The following PRAG1 variants were observed in gnomAD, a reference collection of about 807,000 sequenced individuals.
PRAG1 encodes the protein PEAK1 related, kinase-activating pseudokinase 1, also known as inactive tyrosine-protein kinase PRAG1.
In PRAG1, 110 loss-of-function variants were observed where a neutral mutation model predicts 95.6. The observed-to-expected ratio is 1.15, with a 90% CI of 0.99 to 1.35. The LOEUF (loss-of-function observed/expected upper bound fraction) is 1.35. PRAG1 is among the 40% of genes most tolerant of loss of function. The pLI, the probability that PRAG1 is intolerant of heterozygous loss-of-function variation, is 0.00. For missense variants in PRAG1, 2,554 were observed against 1,864.7 expected (o/e 1.37, Z -6.81); for synonymous variants, 1,052 against 819.4 (o/e 1.28, Z -4.85).
At chr8:8,341,092 C>G (rs1162775282) in intron 3 of PRAG1, among the ~76,000 whole-genome samples, 2 of 152,180 alleles carry the variant, frequency 1.3e-5, no homozygotes, top group Non-Finnish European at 2.9e-5. Flanking sequence ...ACTCCTCAGT[C>G]TAGGAGAGAA....
At chr8:8,366,279 C>G (rs1013005700) in intron 3 of PRAG1, among the ~76,000 whole-genome samples, 3 of 151,248 alleles carry the variant, frequency 2.0e-5, no homozygotes, top group Non-Finnish European at 4.4e-5. Flanking sequence ...AGTGGCTAGA[C>G]AGAGTCCCCC....
At chr8:8,384,401 C>G (rs1209218336) in intron 1 of PRAG1, among the ~76,000 whole-genome samples, 2 of 152,002 alleles carry the variant, frequency 1.3e-5, no homozygotes, top group Non-Finnish European at 2.9e-5. Context: ...TGCTCCCATT[C>G]TCAGCTCAGA....
intron 1 of PRAG1, among the ~76,000 whole-genome samples, chr8:8,383,806 G>T (rs10097659): frequency 6.6e-6 from 1 of 152,014 alleles, no homozygotes; most frequent in South Asian, 2.1e-4. Context: ...TTCAACAAGC[G>T]GAGGAAATAG....
chr8:8,380,749 A>G (rs1800605227), intron 2 of PRAG1, among the ~76,000 whole-genome samples: 1 of 149,598 alleles, frequency 6.7e-6, no homozygotes, highest in African/African-American at 2.5e-5. Context: ...GCTACTCAGG[A>G]GGCTGAGGCA....
chr8:8,327,773 C>T lies in PRAG1; in HGVS notation c.3009G>A (p.Ser1003=), dbSNP rs369717669. ...KLTCNKPCCD[S]GDAIYYCATC... is the part of the protein sequence containing the mutation. ...TGGCACAGTAATAAATGGCATCCCC[C>T]GAGTCACAGCAGGGCTTGTTACAAG... is the stretch of plus-strand genomic sequence containing the variant. The change falls in exon 5 of 6, where the codon TCG becomes TCA. Residue 1003 remains serine (S), a synonymous_variant. Transcript: ENST00000615670. 5.0e-4 allele frequency: 800 copies of T among 1,614,050 alleles called. No individual in the cohort carries two copies. Among genetic ancestry groups the T allele is most frequent in the Non-Finnish European group, 6.5e-4 (768 of 1,180,034 alleles).
At chr8:8,383,584 A>T (rs1800755295) in intron 1 of PRAG1, among the ~76,000 whole-genome samples, 1 of 152,290 alleles carries the variant, frequency 6.6e-6, no homozygotes, top group Non-Finnish European at 1.5e-5. Flanking sequence ...CCTGTCTAAA[A>T]AAACAAAAAA....
In PRAG1 at chr8:8,381,443, G is replaced by A; in HGVS notation, c.305C>T (p.Ala102Val). 1 of 1,611,178 alleles carries A rather than the reference G, an allele frequency of 6.2e-7. No individual in the cohort carries two copies. Among genetic ancestry groups the A allele is most frequent in the East Asian group, 2.2e-5 (1 of 44,784 alleles). Reference sequence around the variant, plus strand: ...CTGCGAGACTTCGGCACTCAGGTTGGCCTCTGTCCACACATCAGAGGCCTC... The same window carrying A: ...CTGCGAGACTTCGGCACTCAGGTTGACCTCTGTCCACACATCAGAGGCCTC... ...SSEASDVWTE[A>V]NLSAEVSQVI... The change falls in exon 2 of 6, where the codon GCC becomes GTC. Residue 102 changes from alanine (A) to valine (V), a missense_variant. Transcript: ENST00000615670.
intron 3 of PRAG1, among the ~76,000 whole-genome samples, chr8:8,347,141 C>G (rs991303627): frequency 6.6e-6 from 1 of 152,220 alleles, no homozygotes; most frequent in Non-Finnish European, 1.5e-5. Flanking sequence ...GTCTCAAAGA[C>G]TGAGAACCTC....
intron 5 of PRAG1, among the ~76,000 whole-genome samples, chr8:8,321,141 G>A (rs1798458313): frequency 6.6e-6 from 1 of 152,236 alleles, no homozygotes; most frequent in African/African-American, 2.4e-5. Context: ...CTGGAGTGCA[G>A]TGGTGCAATC....
intron 3 of PRAG1, among the ~76,000 whole-genome samples, chr8:8,371,252 A>T (rs879106293): frequency 6.6e-6 from 1 of 151,818 alleles, no homozygotes; most frequent in Non-Finnish European, 1.5e-5. Flanking sequence ...TTGAAATTCA[A>T]TTGAGCGAAA....
intron 5 of PRAG1, among the ~76,000 whole-genome samples, chr8:8,324,456 G>C (rs1352726137): frequency 6.6e-6 from 1 of 152,228 alleles, no homozygotes; most frequent in East Asian, 1.9e-4. Context: ...TTGGGCGCAT[G>C]CTAACTAGCC....
rs1188011253 is a variant in PRAG1 at position 8,381,470 on chromosome 8, G to C, written c.278C>G (p.Ser93Cys). The change falls in exon 2 of 6, where the codon TCC (serine) becomes TGC (cysteine). Residue 93 changes from serine to cysteine, a missense_variant. Ser to Cys is a moderately radical substitution (Grantham distance 112, BLOSUM62 -1). Transcript: ENST00000615670. ...CTCTGTCCACACATCAGAGGCCTCGGAGCTCATCATGGTGGGCTTCACGGC... is the reference window on the plus strand; with the variant it reads ...CTCTGTCCACACATCAGAGGCCTCGCAGCTCATCATGGTGGGCTTCACGGC... ...TIAVKPTMMS[S>C]EASDVWTEAN... is the part of the protein sequence containing the mutation. 1 of 1,614,244 alleles carries C rather than the reference G, an allele frequency of 6.2e-7. No individual in the cohort carries two copies. The highest frequency in any genetic ancestry group is 8.5e-7 in the Non-Finnish European group (1 of 1,180,048).
In PRAG1 at chr8:8,328,063, T is replaced by A; in HGVS notation, c.2719A>T (p.Ser907Cys). 6.3e-7 allele frequency: 1 copy of A among 1,597,372 alleles called. No homozygotes were observed. Among genetic ancestry groups the A allele is most frequent in the Non-Finnish European group, 8.5e-7 (1 of 1,170,754 alleles). ...GCCCCTTTGCACTGGAGGCCAGGGC[T>A]CCCGCAGCCGCCTCTGTTGCCCGCC... Reference protein sequence around the residue: ...GLAGNRGGCGSPGLQCKGAPS... With the variant: ...GLAGNRGGCGCPGLQCKGAPS... The change falls in exon 5 of 6, where the codon AGC (serine) becomes TGC (cysteine). Residue 907 changes from serine to cysteine, a missense_variant. Ser to Cys is a moderately radical substitution (Grantham distance 112). Coordinates refer to ENST00000615670, the MANE Select transcript of PRAG1 (RefSeq NM_001080826.3).
intron 3 of PRAG1, among the ~76,000 whole-genome samples, chr8:8,348,249 G>A (rs1372760557): frequency 6.6e-6 from 1 of 152,124 alleles, no homozygotes. Context: ...TGCAACCTTG[G>A]TAAAAGCACC....
chr8:8,367,156 T>A (rs1800034138), intron 3 of PRAG1, among the ~76,000 whole-genome samples: 1 of 152,018 alleles, frequency 6.6e-6, no homozygotes. Context: ...GCAACCCAAG[T>A]GTTCTCATGG....
rs199715689 is a variant in PRAG1, at chr8:8,376,662, T to A, written c.1747A>T (p.Ile583Phe). ...CCTTGGGATGGAGGCTGGGGCCCAATGCTGCTGCCGCCAGAGCTCCCATCA... is the reference window on the plus strand; with the variant it reads ...CCTTGGGATGGAGGCTGGGGCCCAAAGCTGCTGCCGCCAGAGCTCCCATCA... ...LSDGSSGGSS[I>F]GPQPPSQGPA... The change falls in exon 3 of 6, where the codon ATT becomes TTT. Residue 583 changes from isoleucine to phenylalanine, a missense_variant. Ile to Phe is a conservative substitution (Grantham distance 21). Transcript: ENST00000615670. 3.2e-4 allele frequency: 515 copies of A among 1,610,668 alleles called. 6 individuals carry two copies. In the Middle Eastern group the frequency reaches 0.015, roughly 48 times the overall value.
intron 3 of PRAG1, among the ~76,000 whole-genome samples, chr8:8,357,102 A>C (rs1799705757): frequency 6.6e-6 from 1 of 152,206 alleles, no homozygotes; most frequent in Non-Finnish European, 1.5e-5. Flanking sequence ...AAAAGAAAAA[A>C]ACTTAATGAC....
At chr8:8,347,431 C>G (rs1032085278) in intron 3 of PRAG1, among the ~76,000 whole-genome samples, 2 of 152,252 alleles carry the variant, frequency 1.3e-5, no homozygotes, top group African/African-American at 4.8e-5. Flanking sequence ...CTGCAGCTTT[C>G]AATCTCCAAT....
Position 8,376,582 on chromosome 8 carries a change from T to A in PRAG1, c.1827A>T (p.Pro609=). The part of the protein sequence containing the change: ...CRTNGVAISD[P]SRCPQPAASS... ...AGGCGGCAGGCTGGGGACACCTGGA[T>A]GGGTCACTGATAGCGACACCGTTGG... Residue 609 remains proline, a synonymous_variant, in exon 3 of 6, where the codon CCA becomes CCT. Coordinates refer to ENST00000615670, the MANE Select transcript of PRAG1 (RefSeq NM_001080826.3). 3 of 1,606,878 alleles carry A rather than the reference T, an allele frequency of 1.9e-6. No homozygotes were observed. Among genetic ancestry groups the A allele is most frequent in the Non-Finnish European group, 2.6e-6 (3 of 1,175,638 alleles).
Sources: allele counts gnomAD v4.1 joint callset (sites outside exome capture counted in the v4.1 genomes callset), GRCh38; gene constraint gnomAD v4.1.1; transcripts MANE v1.5; gene names NCBI Gene and HGNC (gene_info 2026-07-23, HGNC 2026-07-21).